The following PLEKHH2 variants were observed in gnomAD, a reference collection of about 807,000 sequenced individuals.
The protein encoded by PLEKHH2 is pleckstrin homology, MyTH4 and FERM domain containing H2, also known as pleckstrin homology domain-containing family H member 2.
A neutral mutation model predicts 187.9 loss-of-function variants in PLEKHH2; 129 were observed. That is an observed-to-expected ratio of 0.69 (90% CI 0.59 to 0.79). PLEKHH2 has a LOEUF of 0.79. PLEKHH2 is among the 30% of genes least tolerant of loss of function. PLEKHH2 has a pLI of 0.00. For missense variants in PLEKHH2, 2,076 were observed against 1,751.2 expected (o/e 1.19, Z -3.31); for synonymous variants, 686 against 605.6 (o/e 1.13, Z -1.95).
In PLEKHH2 at chr2:43,700,542, T is replaced by A. The variant is rs755505681; in HGVS notation, c.1584T>A (p.Cys528Ter). Residue 528 changes from cysteine to a stop codon, truncating the protein, a stop_gained, in exon 8 of 30, where the codon TGT becomes TGA. Coordinates refer to ENST00000282406, the MANE Select transcript of PLEKHH2 (RefSeq NM_172069.4). LOFTEE classifies it high-confidence loss of function. ...CAAATTCAGATGACCAGGAACACTG[T>A]GACTCAGCAAAGAAGGTGGCATACA... Reference protein sequence around the residue: ...DSPNSDDQEHCDSAKKVAYSK... With the variant: ...DSPNSDDQEH 25 of 1,613,670 alleles carry A rather than the reference T, an allele frequency of 1.5e-5. No individual in the cohort carries two copies. The highest frequency in any genetic ancestry group is 2.1e-5 in the Non-Finnish European group (25 of 1,179,956).
At chr2:43,698,917 C>G (rs921303477) in intron 7 of PLEKHH2, among the ~76,000 whole-genome samples, 2 of 151,976 alleles carry the variant, frequency 1.3e-5, no homozygotes, top group Non-Finnish European at 2.9e-5. Flanking sequence ...ATGATTAAAC[C>G]AAAAGTAGAG....
chr2:43,695,469 AC>A (rs1669042144), intron 6 of PLEKHH2, among the ~76,000 whole-genome samples: 1 of 152,202 alleles, frequency 6.6e-6, no homozygotes, highest in African/African-American at 2.4e-5. Context: ...GATCAGAAAA[AC>A]ATGACCAAAT....
chr2:43,660,259 A>G (rs539913815), intron 2 of PLEKHH2, among the ~76,000 whole-genome samples: 2 of 152,092 alleles, frequency 1.3e-5, no homozygotes, highest in African/African-American at 4.8e-5. Flanking sequence ...CGTGTGCACC[A>G]TGATGTGTTT....
chr2:43,654,474 C>T (rs963034749), intron 2 of PLEKHH2, among the ~76,000 whole-genome samples: 12 of 151,358 alleles, frequency 7.9e-5, no homozygotes, highest in African/African-American at 2.9e-4. Context: ...GGATTACAGG[C>T]GTGAGCCACT....
intron 6 of PLEKHH2, among the ~76,000 whole-genome samples, chr2:43,695,515 C>A (rs758665526): frequency 2.6e-5 from 4 of 152,210 alleles, no homozygotes; most frequent in African/African-American, 9.6e-5. Flanking sequence ...AAAAGACCTT[C>A]CATTGGTACA....
chr2:43,703,937 T>TGG, intron 8 of PLEKHH2, 44 bp from the exon 9 acceptor site: 1 of 508,438 alleles, frequency 2.0e-6, no homozygotes, highest in Non-Finnish European at 3.2e-6. Flanking sequence ...TTTTTTTTTT[T>TGG]TTTTGCTTTA....
chr2:43,693,695 G>C (rs1668944097), intron 4 of PLEKHH2, among the ~76,000 whole-genome samples: 1 of 137,822 alleles, frequency 7.3e-6, no homozygotes, highest in Admixed American at 7.5e-5. Flanking sequence ...CTGCACTCCA[G>C]CCTGGGCGAC....
Position 43,697,319 on chromosome 2 carries a change from G to T in PLEKHH2, c.651G>T (p.Ser217=). 1 of 1,613,140 alleles carries T rather than the reference G, an allele frequency of 6.2e-7. No homozygotes were observed. Among genetic ancestry groups the T allele is most frequent in the Non-Finnish European group, 8.5e-7 (1 of 1,179,592 alleles). The change falls in exon 7 of 30, where the codon TCG becomes TCT. Residue 217 remains serine (S), a synonymous_variant. Coordinates refer to ENST00000282406, the MANE Select transcript of PLEKHH2 (RefSeq NM_172069.4). The part of the protein sequence containing the change: ...VKSEEMSKIS[S]KEPEFTEGKD... ...CTGAGGAAATGAGCAAGATATCATC[G>T]AAAGAACCTGAGTTCACTGAAGGAA...
chr2:43,725,351 G>A (rs1670689524), intron 16 of PLEKHH2, among the ~76,000 whole-genome samples: 1 of 152,156 alleles, frequency 6.6e-6, no homozygotes, highest in Admixed American at 6.5e-5. Context: ...AAAAGAATGT[G>A]CTTATTAAGG....
In PLEKHH2 at chr2:43,762,337, T is replaced by A; in HGVS notation, c.4105T>A (p.Leu1369Met). ...TCCATCATCACTTGGAAGTACTTTC[T>A]TGTGGCTGGCTGTACATGAGGATGG... is the stretch of plus-strand genomic sequence containing the variant. ...ITPSSLGSTFLWLAVHEDGLS... is the reference protein window; with the variant it reads ...ITPSSLGSTFMWLAVHEDGLS... Residue 1369 changes from leucine to methionine, a missense_variant, in exon 28 of 30, where the codon TTG becomes ATG. Coordinates refer to ENST00000282406, the MANE Select transcript of PLEKHH2 (RefSeq NM_172069.4). 2 of 1,613,288 alleles carry A rather than the reference T, an allele frequency of 1.2e-6. No individual in the cohort carries two copies. Among genetic ancestry groups the A allele is most frequent in the Non-Finnish European group, 1.7e-6 (2 of 1,179,290 alleles).
intron 17 of PLEKHH2, among the ~76,000 whole-genome samples, chr2:43,729,064 T>A (rs1670913519): frequency 6.6e-6 from 1 of 152,160 alleles, no homozygotes; most frequent in Admixed American, 6.5e-5. Flanking sequence ...CCTGCAGCCA[T>A]TAAAACTTGT....
chr2:43,720,621 T>C (rs10206389), intron 15 of PLEKHH2, 48 bp from the exon 16 acceptor site: 329,410 of 1,596,932 alleles, frequency 0.21, 36,549 homozygotes, highest in Admixed American at 0.33. Context: ...TAATTTAAGG[T>C]GTCAGAGTTC....
At position 43,676,137 on chromosome 2, in the gene PLEKHH2, C is replaced by CA. The variant is rs1667766119; in HGVS notation, c.124-2724dup. ...AAACACGAATACTTTTACTGAGCTC[C>CA]AAGAGTATCACTTTTGAAGTGTTTA... is the stretch of plus-strand genomic sequence containing the variant. On this transcript the variant is annotated intron_variant, in intron 2 of 29. Coordinates refer to ENST00000282406, the MANE Select transcript of PLEKHH2 (RefSeq NM_172069.4). 2.5e-6 allele frequency: 4 copies of CA among 1,614,016 alleles called. No homozygotes were observed. In the Middle Eastern group the frequency reaches 6.6e-4, roughly 266 times the overall value.
rs1672595915 is a variant in PLEKHH2 at position 43,765,659 on chromosome 2, A to G, written c.*61A>G. 1 of 1,531,054 alleles carries G rather than the reference A, an allele frequency of 6.5e-7. No individual in the cohort carries two copies. Among genetic ancestry groups the G allele is most frequent in the South Asian group, 1.3e-5 (1 of 79,204 alleles). 94.8% of individuals were successfully genotyped at this position (1,531,054 alleles called of 1,614,324 possible). ...CATGCTGTGGCTGTATCAGCTCCCT[A>G]CAAGTTCGTTTACACCTGGCAGCAC... On this transcript the variant is annotated 3_prime_UTR_variant, in exon 30 of 30. Coordinates refer to ENST00000282406, the MANE Select transcript of PLEKHH2 (RefSeq NM_172069.4).
chr2:43,718,142 C>A (rs1331433953), intron 15 of PLEKHH2, among the ~76,000 whole-genome samples: 1 of 152,196 alleles, frequency 6.6e-6, no homozygotes, highest in Non-Finnish European at 1.5e-5. Context: ...AAAAATTATT[C>A]TTTTAATTAG....
Position 43,764,354 on chromosome 2 carries a change from G to A in PLEKHH2, c.4285G>A (p.Ala1429Thr). ...AACAGAGAAATTACTTTTTGCCATGGCAAAACCCAAGGTGAGTAGAAGCCT... is the reference window on the plus strand; with the variant it reads ...AACAGAGAAATTACTTTTTGCCATGACAAAACCCAAGGTGAGTAGAAGCCT... ...KPTEKLLFAM[A>T]KPKILEITLL... The change falls in exon 29 of 30, where the codon GCA (alanine) becomes ACA (threonine). Residue 1429 changes from alanine to threonine, a missense_variant. Transcript: ENST00000282406. 6.2e-7 allele frequency: 1 copy of A among 1,612,092 alleles called. No individual in the cohort carries two copies. The highest frequency in any genetic ancestry group is 8.5e-7 in the Non-Finnish European group (1 of 1,179,090).
Position 43,700,047 on chromosome 2 carries a change from A to G in PLEKHH2, c.1089A>G (p.Leu363=). 6.2e-7 allele frequency: 1 copy of G among 1,614,166 alleles called. No homozygotes were observed. The highest frequency in any genetic ancestry group is 8.5e-7 in the Non-Finnish European group (1 of 1,180,028). ...AGCAGGAGGCACAGTGGAAAGCTCTAAATAGTCCTCTTGGAAAGGGAAATT... is the reference window on the plus strand; with the variant it reads ...AGCAGGAGGCACAGTGGAAAGCTCTGAATAGTCCTCTTGGAAAGGGAAATT... ...SWQQEAQWKA[L]NSPLGKGNSE... Residue 363 remains leucine (L), a synonymous_variant, in exon 8 of 30, where the codon CTA becomes CTG. Transcript: ENST00000282406.
At chr2:43,744,086 G>T in intron 23 of PLEKHH2, 97 bp downstream of exon 23, 1 of 1,475,468 alleles carries the variant, frequency 6.8e-7, no homozygotes, top group Non-Finnish European at 9.0e-7. Context: ...TAATTCAGGA[G>T]TTTTCCAAAA....
rs757133215 is a variant in PLEKHH2, at chr2:43,692,614, A to G, written c.287A>G (p.Gln96Arg). ...TGTCAAGATCTGGAGTCGCTAATACAGGAAAAAGATGACGTCATTCAAAAC... is the reference window on the plus strand; with the variant it reads ...TGTCAAGATCTGGAGTCGCTAATACGGGAAAAAGATGACGTCATTCAAAAC... Reference protein sequence around the residue: ...NKCQDLESLIQEKDDVIQNLE... With the variant: ...NKCQDLESLIREKDDVIQNLE... Residue 96 changes from glutamine (Q) to arginine (R), a missense_variant, in exon 4 of 30, where the codon CAG (glutamine) becomes CGG (arginine). By Grantham distance (43) the Gln-to-Arg change is conservative. Transcript: ENST00000282406. 1 of 1,613,114 alleles carries G rather than the reference A, an allele frequency of 6.2e-7. No homozygotes were observed. The highest frequency in any genetic ancestry group is 8.5e-7 in the Non-Finnish European group (1 of 1,179,490).
Sources: gnomAD v4.1 joint callset for allele counts (sites outside exome capture counted in the v4.1 genomes callset) on GRCh38, gnomAD v4.1.1 for gene constraint, MANE v1.5 for transcripts, NCBI Gene and HGNC (gene_info 2026-07-23, HGNC 2026-07-21) for gene names.